The following ZC2HC1A variants were observed in gnomAD, a reference collection of about 807,000 sequenced individuals.
ZC2HC1A encodes the protein zinc finger C2HC-type containing 1A.
A neutral mutation model predicts 40.7 loss-of-function variants in ZC2HC1A; 28 were observed. The observed-to-expected ratio is 0.69, with a 90% CI of 0.51 to 0.94. The LOEUF is 0.94. ZC2HC1A is among the 40% of genes least tolerant of loss of function. The pLI is 0.00. For missense variants in ZC2HC1A, 389 were observed against 386.3 expected, an observed-to-expected ratio of 1.01 and a Z score of -0.06; for synonymous variants, 129 against 129.2, an observed-to-expected ratio of 1.00 and a Z score of 0.01.
intron 5 of ZC2HC1A, among the ~76,000 whole-genome samples, chr8:78,691,451 TTC>T (rs1810208322): frequency 6.6e-6 from 1 of 152,108 alleles, no homozygotes; most frequent in African/African-American, 2.4e-5. Flanking sequence ...CTCACTTCTT[TTC>T]TCTCTATTCC....
chr8:78,686,254 C>T (rs1473818942), intron 3 of ZC2HC1A, among the ~76,000 whole-genome samples: 3 of 151,992 alleles, frequency 2.0e-5, no homozygotes, highest in South Asian at 2.1e-4. Context: ...TAGTGTCTTT[C>T]GCGATGACAC....
At chr8:78,680,128 G>T (rs1809721026) in intron 3 of ZC2HC1A, among the ~76,000 whole-genome samples, 1 of 151,946 alleles carries the variant, frequency 6.6e-6, no homozygotes, top group South Asian at 2.1e-4. Flanking sequence ...TGTGGTTATT[G>T]TAGGGATTAC....
chr8:78,687,603 C>T (rs984640999), intron 4 of ZC2HC1A, among the ~76,000 whole-genome samples: 9 of 131,618 alleles, frequency 6.8e-5, no homozygotes, highest in African/African-American at 1.1e-4. Flanking sequence ...TATATATTTA[C>T]ATAATACATT....
At position 78,719,531 on chromosome 8, in the gene ZC2HC1A, A is replaced by G. The variant is rs1402854517; in HGVS notation, c.*2038A>G. 3.3e-5 allele frequency: 5 copies of G among 151,830 alleles called. No individual in the cohort carries two copies. Among genetic ancestry groups the G allele is most frequent in the African/African-American group, 4.8e-5 (2 of 41,432 alleles). 9.4% of individuals were successfully genotyped at this position (151,830 alleles called of 1,614,324 possible). A position where few individuals can be genotyped will look rare whatever the true frequency, so the allele number is the denominator to read the frequency against. On this transcript the variant is annotated 3_prime_UTR_variant, in exon 9 of 9. Coordinates refer to ENST00000263849, the MANE Select transcript of ZC2HC1A (RefSeq NM_016010.3). Reference sequence around the variant, plus strand: ...GTTCAGTTTTAAAAAAAATCTTCCTATGCATCATGTATTTTATTTTTATTT... The same window carrying G: ...GTTCAGTTTTAAAAAAAATCTTCCTGTGCATCATGTATTTTATTTTTATTT...
intron 7 of ZC2HC1A, among the ~76,000 whole-genome samples, chr8:78,705,948 G>C (rs1810759651): frequency 6.6e-6 from 1 of 152,138 alleles, no homozygotes; most frequent in South Asian, 2.1e-4. Context: ...ATACCAGCAG[G>C]GATGGTTGGA....
intron 4 of ZC2HC1A, among the ~76,000 whole-genome samples, chr8:78,687,131 A>G (rs1490293606): frequency 1.3e-5 from 2 of 152,096 alleles, no homozygotes; most frequent in Non-Finnish European, 2.9e-5. Context: ...TGTTACTAAA[A>G]GCAAAGCAAG....
intron 7 of ZC2HC1A, among the ~76,000 whole-genome samples, chr8:78,702,662 T>G (rs1810642873): frequency 6.6e-6 from 1 of 152,202 alleles, no homozygotes; most frequent in Non-Finnish European, 1.5e-5. Flanking sequence ...ATGTTGTTTC[T>G]TTGTACTCTA....
At chr8:78,677,839 A>C (rs1809631988) in intron 2 of ZC2HC1A, among the ~76,000 whole-genome samples, 1 of 152,200 alleles carries the variant, frequency 6.6e-6, no homozygotes, top group South Asian at 2.1e-4. Context: ...AAGAAAGTAA[A>C]GGAATGAAAG....
Position 78,718,874 on chromosome 8 carries a change from T to C in ZC2HC1A, c.*1381T>C, listed in dbSNP as rs1811183634. The C allele has an allele frequency of 6.6e-6, 1 of 151,738 alleles. No homozygotes were observed. Among genetic ancestry groups the C allele is most frequent in the Non-Finnish European group, 1.5e-5 (1 of 67,642 alleles). The allele number at this position is 151,738 out of a possible 1,614,324, so 9.4% of individuals were successfully genotyped here. A position where few individuals can be genotyped will look rare whatever the true frequency, so the allele number is the denominator to read the frequency against. On this transcript the variant is annotated 3_prime_UTR_variant, in exon 9 of 9. Transcript: ENST00000263849. The stretch of plus-strand genomic sequence containing the variant: ...AATCTCTTATATAATTCCTAGCTTT[T>C]TTTTTTGTTTATGATTCTGATCAAC...
chr8:78,675,095 A>G (rs1809539488), intron 1 of ZC2HC1A, among the ~76,000 whole-genome samples: 1 of 151,622 alleles, frequency 6.6e-6, no homozygotes, highest in Non-Finnish European at 1.5e-5. Flanking sequence ...CTTTTTAGTA[A>G]TAACATTTGT....
In ZC2HC1A at chr8:78,688,840, C is replaced by T. The variant is rs527979776; in HGVS notation, c.353-382C>T. Among the ~76,000 whole-genome samples the T allele has an allele frequency of 4.0e-4, 61 of 152,046 alleles. 1 individual carries two copies. The highest frequency in any genetic ancestry group is 1.4e-3 in the African/African-American group (60 of 41,518). ...GCCTGTATTTTAAAATGTATTTTAA[C>T]GTCATGTATTATTACTTCCTAACTA... is the stretch of plus-strand genomic sequence containing the variant. On this transcript the variant is annotated intron_variant, in intron 4 of 8. Transcript: ENST00000263849.
chr8:78,673,350 A>G (rs567127939), intron 1 of ZC2HC1A, among the ~76,000 whole-genome samples: 9 of 152,086 alleles, frequency 5.9e-5, no homozygotes, highest in Non-Finnish European at 1.3e-4. Flanking sequence ...AGTCTTTGCT[A>G]TTGTAAATAG....
At chr8:78,713,196 A>G (rs1811001618) in intron 7 of ZC2HC1A, among the ~76,000 whole-genome samples, 1 of 152,196 alleles carries the variant, frequency 6.6e-6, no homozygotes, top group Non-Finnish European at 1.5e-5. Context: ...AATGCTTTGC[A>G]GATTCTGAAC....
intron 5 of ZC2HC1A, among the ~76,000 whole-genome samples, chr8:78,696,603 G>A (rs1233878940): frequency 6.6e-6 from 1 of 152,244 alleles, no homozygotes; most frequent in Non-Finnish European, 1.5e-5. Context: ...TAATAAAGAT[G>A]TCTCTTTAGA....
chr8:78,701,039 A>G (rs1030342130), intron 7 of ZC2HC1A, among the ~76,000 whole-genome samples: 1 of 152,146 alleles, frequency 6.6e-6, no homozygotes, highest in Non-Finnish European at 1.5e-5. Context: ...AATGTCACTG[A>G]TAGTTTAATG....
chr8:78,689,341 A>C lies in ZC2HC1A; in HGVS notation c.472A>C (p.Thr158Pro). Residue 158 changes from threonine to proline, a missense_variant, in exon 5 of 9, where the codon ACC (threonine) becomes CCC (proline). Transcript: ENST00000263849. ...TAATAAAGGGAAATTTTCTACAGAT[A>C]CCAAAGGAAAACCAACTTCTCGGAC... is the stretch of plus-strand genomic sequence containing the variant. ...ISNKGKFSTD[T>P]KGKPTSRTQV... The C allele has an allele frequency of 6.3e-7, 1 of 1,599,492 alleles. No homozygotes were observed.
intron 7 of ZC2HC1A, chr8:78,711,944 A>G (rs1810962299): frequency 8.6e-7 from 1 of 1,165,586 alleles, no homozygotes; most frequent in African/African-American, 1.6e-5. Flanking sequence ...TATATAAAGA[A>G]GCAGTAGCAA....
At chr8:78,691,638 A>T (rs573975779) in intron 5 of ZC2HC1A, among the ~76,000 whole-genome samples, 1 of 152,090 alleles carries the variant, frequency 6.6e-6, no homozygotes, top group Admixed American at 6.6e-5. Context: ...TTTTTTTAAA[A>T]ATTCACCATT....
intron 7 of ZC2HC1A, among the ~76,000 whole-genome samples, chr8:78,715,020 G>C (rs533459371): frequency 6.6e-6 from 1 of 152,240 alleles, no homozygotes; most frequent in African/African-American, 2.4e-5. Flanking sequence ...TATCAGAATA[G>C]TATTAGTAAA....
Sources: allele counts gnomAD v4.1 joint callset (sites outside exome capture counted in the v4.1 genomes callset), GRCh38; gene constraint gnomAD v4.1.1; transcripts MANE v1.5; gene names NCBI Gene and HGNC (gene_info 2026-07-23, HGNC 2026-07-21).